Variants in GABRA3 observed in about 807,000 individuals in gnomAD.
The protein encoded by GABRA3 is gamma-aminobutyric acid receptor subunit alpha-3.
In GABRA3, 10 loss-of-function variants were observed where a neutral mutation model predicts 30.1. The ratio of observed to expected loss-of-function variants is 0.33; its 90% CI spans 0.20 to 0.56. The LOEUF (loss-of-function observed/expected upper bound fraction) is 0.56, where lower values mean the gene tolerates loss of function less well. Among genes scored for constraint, GABRA3 ranks in the 20% least tolerant of loss-of-function variants. The pLI, the probability that GABRA3 is intolerant of heterozygous loss-of-function variation, is 0.89. For synonymous variants in GABRA3, 151 were observed against 146.8 expected (o/e 1.03, Z -0.21); for missense variants, 233 against 392.0 (o/e 0.59, Z 3.42).
At chrX:152,262,956 TG>T (rs753327304) in intron 4 of GABRA3, among the ~76,000 whole-genome samples, 10 of 111,620 alleles carry the variant, frequency 9.0e-5, no homozygotes, top group East Asian at 5.7e-4. Flanking sequence ...TCAGCATGGC[TG>T]GGGGGGCCTC....
Position 152,188,812 on chromosome X carries a change from A to T in GABRA3, c.1143+918T>A, listed in dbSNP as rs1327165616. Among the ~76,000 whole-genome samples the T allele has an allele frequency of 2.7e-5, 3 of 111,994 alleles. No homozygotes were observed. In the East Asian group the frequency reaches 8.5e-4, roughly 32 times the overall value. On this transcript the variant is annotated intron_variant, in intron 9 of 9. Transcript: ENST00000370314. ...TTCTCTTCTCCATGATTATTTGAGGAGTACCAGGATGGTCCTGAGATCACA... is the reference window on the plus strand; with the variant it reads ...TTCTCTTCTCCATGATTATTTGAGGTGTACCAGGATGGTCCTGAGATCACA...
intron 2 of GABRA3, among the ~76,000 whole-genome samples, chrX:152,351,492 A>G (rs997516227): frequency 8.9e-6 from 1 of 111,944 alleles, no homozygotes; most frequent in African/African-American, 3.2e-5. Context: ...TATCTCTCCC[A>G]GTCTTCACAG....
At chrX:152,192,135 G>A (rs1937332701) in intron 8 of GABRA3, among the ~76,000 whole-genome samples, 1 of 112,135 alleles carries the variant, frequency 8.9e-6, no homozygotes, top group South Asian at 3.7e-4. Context: ...GATTTTTGGA[G>A]CTCTAGTCTC....
chrX:152,316,878 A>C (rs1238956713), intron 3 of GABRA3, among the ~76,000 whole-genome samples: 1 of 111,993 alleles, frequency 8.9e-6, no homozygotes, highest in Non-Finnish European at 1.9e-5. Context: ...CTTGAAACAA[A>C]TCCCAGAAAT....
At chrX:152,417,782 A>T (rs1475335517) in intron 1 of GABRA3, among the ~76,000 whole-genome samples, 58 of 98,913 alleles carry the variant, frequency 5.9e-4, no homozygotes, top group African/African-American at 2.0e-3. Context: ...AGAACAAAAA[A>T]CCAAACACCG....
At chrX:152,285,857 G>A (rs1205792863) in intron 3 of GABRA3, among the ~76,000 whole-genome samples, 7 of 107,351 alleles carry the variant, frequency 6.5e-5, no homozygotes, top group Non-Finnish European at 1.3e-4. Flanking sequence ...TGACCTAATC[G>A]CCTTCTAAAG....
Position 152,438,453 on chromosome X carries a change from C to T in GABRA3, c.-27+12693G>A, listed in dbSNP as rs1930831670. Among the ~76,000 whole-genome samples the T allele has an allele frequency of 2.7e-5, 3 of 112,158 alleles. No individual in the cohort carries two copies. The South Asian group carries it at 1.1e-3, about 42-fold the overall frequency. On this transcript the variant is annotated intron_variant, in intron 1 of 9. Transcript: ENST00000370314. Reference sequence around the variant, plus strand: ...ACCATATGATCCAGCAATTGCACTCCTCGGTATTTACCCAAATGAGTTGAA... The same window carrying T: ...ACCATATGATCCAGCAATTGCACTCTTCGGTATTTACCCAAATGAGTTGAA...
chrX:152,378,166 C>A (rs1341616891), intron 1 of GABRA3, among the ~76,000 whole-genome samples: 1 of 111,425 alleles, frequency 9.0e-6, no homozygotes, highest in Non-Finnish European at 1.9e-5. Flanking sequence ...TTTGGGAAAC[C>A]CCCATAAATA....
chrX:152,360,708 A>C (rs1485691851), intron 2 of GABRA3, among the ~76,000 whole-genome samples: 3 of 90,432 alleles, frequency 3.3e-5, no homozygotes, highest in East Asian at 7.1e-4. Flanking sequence ...AAAAAAAAAA[A>C]AATTAAAAAA....
chrX:152,227,839 C>A (rs763245727), intron 5 of GABRA3, among the ~76,000 whole-genome samples: 4 of 110,962 alleles, frequency 3.6e-5, no homozygotes, highest in African/African-American at 9.8e-5. Flanking sequence ...AGCTGCAGTG[C>A]AAATCTGGTG....
chrX:152,432,400 T>C (rs1930669324), intron 1 of GABRA3, among the ~76,000 whole-genome samples: 1 of 111,212 alleles, frequency 9.0e-6, no homozygotes, highest in African/African-American at 3.3e-5. Context: ...TCATATACTT[T>C]TAACAAAAAG....
At chrX:152,330,565 T>C (rs929564080) in intron 3 of GABRA3, among the ~76,000 whole-genome samples, 3 of 110,980 alleles carry the variant, frequency 2.7e-5, no homozygotes, top group South Asian at 3.8e-4. Flanking sequence ...TGGATGAAAC[T>C]GGAAACCCTC....
At chrX:152,420,047 G>A (rs762900922) in intron 1 of GABRA3, among the ~76,000 whole-genome samples, 144 of 111,243 alleles carry the variant, frequency 1.3e-3, no homozygotes, top group Non-Finnish European at 2.2e-3. Context: ...AATAGATGTA[G>A]AAAAAAAATC....
chrX:152,317,060 A>G (rs1488399282), intron 3 of GABRA3, among the ~76,000 whole-genome samples: 1 of 112,133 alleles, frequency 8.9e-6, no homozygotes, highest in Non-Finnish European at 1.9e-5. Flanking sequence ...TAAAAGATAC[A>G]GAATTGAAAT....
chrX:152,297,975 T>C (rs2124450632), intron 3 of GABRA3, among the ~76,000 whole-genome samples: 1 of 112,356 alleles, frequency 8.9e-6, no homozygotes, highest in East Asian at 2.8e-4. Context: ...GGAGGCTCAC[T>C]GCACAATATC....
intron 4 of GABRA3, among the ~76,000 whole-genome samples, chrX:152,268,489 T>C (rs1603229529): frequency 8.9e-6 from 1 of 112,471 alleles, no homozygotes; most frequent in Non-Finnish European, 1.9e-5. Flanking sequence ...TAGCCATGTG[T>C]AACTGTGAGT....
At chrX:152,268,025 G>A in intron 4 of GABRA3, among the ~76,000 whole-genome samples, 1 of 109,992 alleles carries the variant, frequency 9.1e-6, no homozygotes, top group East Asian at 2.9e-4. Context: ...CTAATTTGGG[G>A]TTTGATTTGT....
intron 4 of GABRA3, among the ~76,000 whole-genome samples, chrX:152,274,743 G>A (rs6627566): frequency 2.8e-5 from 3 of 108,886 alleles, no homozygotes; most frequent in East Asian, 5.8e-4. Flanking sequence ...ATATACCTCA[G>A]GAAACCAAAA....
intron 1 of GABRA3, among the ~76,000 whole-genome samples, chrX:152,368,720 T>G (rs1240045211): frequency 5.3e-5 from 5 of 93,626 alleles, no homozygotes; most frequent in Non-Finnish European, 8.5e-5. Context: ...TTTTTTTTTT[T>G]TTTGAGACAG....
Sources: gnomAD v4.1 joint callset for allele counts (sites outside exome capture counted in the v4.1 genomes callset) on GRCh38, gnomAD v4.1.1 for gene constraint, MANE v1.5 for transcripts, NCBI Gene and HGNC (gene_info 2026-07-23, HGNC 2026-07-21) for gene names.